Variants in ERVFRD-1 observed in about 807,000 individuals in gnomAD.
ERVFRD-1 encodes the protein syncytin-2.
ERVFRD-1 carries 33 observed loss-of-function variants against 43.8 expected under a neutral mutation model. That is an observed-to-expected ratio of 0.75 (90% CI 0.57 to 1.01). The LOEUF (loss-of-function observed/expected upper bound fraction) is 1.01, where lower values mean the gene tolerates loss of function less well. ERVFRD-1 is among the 50% of genes least tolerant of loss of function. The pLI is 0.00. For synonymous variants in ERVFRD-1, 239 were observed against 244.4 expected, an observed-to-expected ratio of 0.98 and a Z score of 0.21; for missense variants, 568 against 658.4, an observed-to-expected ratio of 0.86 and a Z score of 1.50.
intron 1 of ERVFRD-1, among the ~76,000 whole-genome samples, chr6:11,108,502 T>C (rs966573893): frequency 6.6e-6 from 1 of 152,100 alleles, no homozygotes; most frequent in Admixed American, 6.6e-5. Context: ...CATGGAGAGC[T>C]GGGGGTGGGT....
chr6:11,109,984 C>A (rs1054371887), intron 1 of ERVFRD-1, among the ~76,000 whole-genome samples: 2 of 152,176 alleles, frequency 1.3e-5, no homozygotes, highest in African/African-American at 4.8e-5. Flanking sequence ...GGCAGTGTCC[C>A]CCATTCATTC....
intron 1 of ERVFRD-1, among the ~76,000 whole-genome samples, chr6:11,109,784 G>T (rs1480133769): frequency 2.0e-5 from 3 of 152,162 alleles, no homozygotes; most frequent in Non-Finnish European, 4.4e-5. Context: ...ACTTTTCCCA[G>T]TTCTTGAGGA....
At chr6:11,107,976 A>G (rs575876433) in intron 1 of ERVFRD-1, among the ~76,000 whole-genome samples, 1 of 152,250 alleles carries the variant, frequency 6.6e-6, no homozygotes, top group Non-Finnish European at 1.5e-5. Flanking sequence ...AGACCTCTGG[A>G]TAAATGGGAA....
In ERVFRD-1 at chr6:11,103,673, C is replaced by T. The variant is rs936158798; in HGVS notation, c.*21G>A. 18 of 1,523,762 alleles carry T rather than the reference C, an allele frequency of 1.2e-5. No individual in the cohort carries two copies. The highest frequency in any genetic ancestry group is 1.5e-5 in the Non-Finnish European group (17 of 1,133,664). 94.4% of individuals were successfully genotyped at this position (1,523,762 alleles called of 1,614,324 possible). On this transcript the variant is annotated 3_prime_UTR_variant, in exon 2 of 2. Transcript: ENST00000472091. Reference sequence around the variant, plus strand: ...TTTCGCCTCTGTCGTGTTCCACTAGCGAGCAGTCTAGGGGTCCTCCTTAGA... The same window carrying T: ...TTTCGCCTCTGTCGTGTTCCACTAGTGAGCAGTCTAGGGGTCCTCCTTAGA...
rs1758073645 is a variant in ERVFRD-1 at position 11,105,593 on chromosome 6, G to A, written c.-283C>T. The A allele has an allele frequency of 1.1e-5, 4 of 378,700 alleles. No homozygotes were observed. The highest frequency in any genetic ancestry group is 2.0e-5 in the Non-Finnish European group (4 of 198,808). The allele number at this position is 378,700 out of a possible 1,614,324, so 23.5% of individuals were successfully genotyped here. On this transcript the variant is annotated 5_prime_UTR_variant, in exon 2 of 2. Transcript: ENST00000472091. ...GGCTTTTCCACAGCTTCACTTGGGT[G>A]TGATGGATCTAGCTGGCAGTCTCCA... is the stretch of plus-strand genomic sequence containing the variant.
chr6:11,104,667 C>T lies in ERVFRD-1; in HGVS notation c.644G>A (p.Cys215Tyr), dbSNP rs2113643699. Residue 215 changes from cysteine to tyrosine, a missense_variant, in exon 2 of 2, where the codon TGT (cysteine) becomes TAT (tyrosine). Cys to Tyr is a radical substitution (Grantham distance 194). Coordinates refer to ENST00000472091, the MANE Select transcript of ERVFRD-1 (RefSeq NM_207582.3). ...FWFRPADYNQ[C>Y]LQISNLSSTA... is the part of the protein sequence containing the mutation. Reference sequence around the variant, plus strand: ...AGAGCTGAGGTTGGAAATTTGCAGACATTGGTTATAATCAGCAGGCCGGAA... The same window carrying T: ...AGAGCTGAGGTTGGAAATTTGCAGATATTGGTTATAATCAGCAGGCCGGAA... 1 of 1,614,188 alleles carries T rather than the reference C, an allele frequency of 6.2e-7. No homozygotes were observed. The highest frequency in any genetic ancestry group is 2.2e-5 in the East Asian group (1 of 44,894).
Position 11,103,812 on chromosome 6 carries a change from C to T in ERVFRD-1, c.1499G>A (p.Gly500Asp). 1 of 1,551,514 alleles carries T rather than the reference C, an allele frequency of 6.4e-7. No homozygotes were observed. Among genetic ancestry groups the T allele is most frequent in the Non-Finnish European group, 8.7e-7 (1 of 1,146,950 alleles). ...GGTTATTAGATTTAGGAGACATGGA[C>T]CAAAAAGGAGCAAAAGTAGGAGACT... ...LVSLLLLLLF[G>D]PCLLNLITQF... Residue 500 changes from glycine (G) to aspartate (D), a missense_variant, in exon 2 of 2, where the codon GGT becomes GAT. Gly to Asp is a moderately conservative substitution (Grantham distance 94). Coordinates refer to ENST00000472091, the MANE Select transcript of ERVFRD-1 (RefSeq NM_207582.3).
In ERVFRD-1 at chr6:11,102,805, C is replaced by T. The variant is rs1128291; in HGVS notation, c.*889G>A. Reference sequence around the variant, plus strand: ...TGCAGCAGACTCCATCCTTGCCCCCCGGAGGAGAGGAGGGAATTTGGCCGG... The same window carrying T: ...TGCAGCAGACTCCATCCTTGCCCCCTGGAGGAGAGGAGGGAATTTGGCCGG... On this transcript the variant is annotated 3_prime_UTR_variant, in exon 2 of 2. Coordinates refer to ENST00000472091, the MANE Select transcript of ERVFRD-1 (RefSeq NM_207582.3). 0.21 allele frequency: 31,648 copies of T among 152,042 alleles called. 3,719 individuals carry two copies. The highest frequency in any genetic ancestry group is 0.45 in the East Asian group (2,316 of 5,154). The allele number at this position is 152,042 out of a possible 1,614,324, so 9.4% of individuals were successfully genotyped here. A position where few individuals can be genotyped will look rare whatever the true frequency, so the allele number is the denominator to read the frequency against.
In ERVFRD-1 at chr6:11,104,018, A is replaced by G. The variant is rs55893495; in HGVS notation, c.1293T>C (p.Cys431=). Residue 431 remains cysteine, a synonymous_variant, in exon 2 of 2, where the codon TGT becomes TGC. Transcript: ENST00000472091. The stretch of plus-strand genomic sequence containing the variant: ...AGCAACATTTTTCATCTAAGGCCAA[A>G]CAAATTCCTCCCTGTGCTGCCGTTA... ...DMLTAAQGGI[C]LALDEKCCFW... 47,137 of 1,551,710 alleles carry G rather than the reference A, an allele frequency of 0.03. 888 individuals are homozygous for G. Among genetic ancestry groups the G allele is most frequent in the South Asian group, 0.054 (4,551 of 84,056 alleles).
At position 11,104,497 on chromosome 6, in the gene ERVFRD-1, C is replaced by T. The variant is rs1758052323; in HGVS notation, c.814G>A (p.Val272Ile). 1 of 1,556,156 alleles carries T rather than the reference C, an allele frequency of 6.4e-7. No individual in the cohort carries two copies. Among genetic ancestry groups the T allele is most frequent in the African/African-American group, 1.4e-5 (1 of 73,246 alleles). Residue 272 changes from valine to isoleucine, a missense_variant, in exon 2 of 2, where the codon GTC becomes ATC. Physicochemically the swap from Val to Ile is conservative, Grantham distance 29 (BLOSUM62 3). Coordinates refer to ENST00000472091, the MANE Select transcript of ERVFRD-1 (RefSeq NM_207582.3). ...AGGGAGGTTCCAAAAAATTCTGAGA[C>T]TGCTGATATGCCCAGGTAGCTGGTG... is the stretch of plus-strand genomic sequence containing the variant. Reference protein sequence around the residue: ...IATSYLGISAVSEFFGTSLTP... With the variant: ...IATSYLGISAISEFFGTSLTP...
Position 11,104,704 on chromosome 6 carries a change from G to A in ERVFRD-1, c.607C>T (p.Arg203Ter), listed in dbSNP as rs137974365. 5 of 1,614,088 alleles carry A rather than the reference G, an allele frequency of 3.1e-6. No homozygotes were observed. Among genetic ancestry groups the A allele is most frequent in the Non-Finnish European group, 3.4e-6 (4 of 1,180,044 alleles). ...CQGRPSSCST[R>*]NFWFRPADYN... ...TCAGCAGGCCGGAACCAGAAGTTTC[G>A]AGTACTGCATGAGCTTGGGCGTCCC... Residue 203 changes from arginine to a stop codon, truncating the protein, a stop_gained, in exon 2 of 2, where the codon CGA becomes TGA. Transcript: ENST00000472091. LOFTEE classifies it high-confidence loss of function.
At position 11,103,754 on chromosome 6, in the gene ERVFRD-1, C is replaced by A. The variant is rs756385693; in HGVS notation, c.1557G>T (p.Lys519Asn). ...GTCCTGCACTGAGATTCGTCTGGAG[C>A]TTTATGGCCTGAAGGCGAGAGGAGA... ...QFVSSRLQAI[K>N]LQTNLSAGRH... The change falls in exon 2 of 2, where the codon AAG becomes AAT. Residue 519 changes from lysine (K) to asparagine (N), a missense_variant. Lys to Asn is a moderately conservative substitution (Grantham distance 94). Transcript: ENST00000472091. The A allele has an allele frequency of 3.2e-6, 5 of 1,551,494 alleles. No homozygotes were observed. Among genetic ancestry groups the A allele is most frequent in the Admixed American group, 3.9e-5 (2 of 50,980 alleles).
Position 11,104,039 on chromosome 6 carries a change from C to T in ERVFRD-1, c.1272G>A (p.Thr424=), listed in dbSNP as rs532171898. The T allele has an allele frequency of 4.7e-5, 73 of 1,551,688 alleles. No homozygotes were observed. Among genetic ancestry groups the T allele is most frequent in the Admixed American group, 3.1e-4 (16 of 51,004 alleles). ...CCAAACAAATTCCTCCCTGTGCTGC[C>T]GTTAACATGTCTAGTCCTCGACGAT... The part of the protein sequence containing the change: ...LQNRRGLDML[T]AAQGGICLAL... Residue 424 remains threonine (T), a synonymous_variant, in exon 2 of 2, where the codon ACG becomes ACA. Coordinates refer to ENST00000472091, the MANE Select transcript of ERVFRD-1 (RefSeq NM_207582.3).
Position 11,104,793 on chromosome 6 carries a change from G to A in ERVFRD-1, c.518C>T (p.Pro173Leu). 1 of 1,614,184 alleles carries A rather than the reference G, an allele frequency of 6.2e-7. No individual in the cohort carries two copies. The highest frequency in any genetic ancestry group is 1.1e-5 in the South Asian group (1 of 91,072). ...HNQFRHQPRF[P>L]KPPNITFPQG... The stretch of plus-strand genomic sequence containing the variant: ...AGGAAAAGTAATATTTGGAGGTTTG[G>A]GGAATCTTGGTTGATGGCGGAATTG... Residue 173 changes from proline to leucine, a missense_variant, in exon 2 of 2, where the codon CCC (proline) becomes CTC (leucine). Coordinates refer to ENST00000472091, the MANE Select transcript of ERVFRD-1 (RefSeq NM_207582.3).
intron 1 of ERVFRD-1, among the ~76,000 whole-genome samples, chr6:11,108,817 G>T (rs1268603697): frequency 6.6e-6 from 1 of 152,198 alleles, no homozygotes; most frequent in Non-Finnish European, 1.5e-5. Flanking sequence ...TTAGGGAAAT[G>T]ATCCTTTATG....
At chr6:11,108,209 C>T (rs889554581) in intron 1 of ERVFRD-1, among the ~76,000 whole-genome samples, 6 of 152,176 alleles carry the variant, frequency 3.9e-5, no homozygotes, top group East Asian at 1.9e-4. Flanking sequence ...CTCCAGGTTA[C>T]GGGCACTTCA....
At chr6:11,110,857 G>A (rs1758157021) in intron 1 of ERVFRD-1, among the ~76,000 whole-genome samples, 1 of 152,186 alleles carries the variant, frequency 6.6e-6, no homozygotes, top group Admixed American at 6.5e-5. Flanking sequence ...CCACAAAGGG[G>A]TGCTAACTCA....
In ERVFRD-1 at chr6:11,102,773, A is replaced by G. The variant is rs1181360244; in HGVS notation, c.*921T>C. On this transcript the variant is annotated 3_prime_UTR_variant, in exon 2 of 2. Coordinates refer to ENST00000472091, the MANE Select transcript of ERVFRD-1 (RefSeq NM_207582.3). ...GGAACTGTTACCAGCAGCAAATCCA[A>G]TGGGTCTGCAGCAGACTCCATCCTT... is the stretch of plus-strand genomic sequence containing the variant. 1 of 152,208 alleles carries G rather than the reference A, an allele frequency of 6.6e-6. No homozygotes were observed. Among genetic ancestry groups the G allele is most frequent in the Non-Finnish European group, 1.5e-5 (1 of 68,036 alleles). The allele number at this position is 152,208 out of a possible 1,614,324, so 9.4% of individuals were successfully genotyped here. A position where few individuals can be genotyped will look rare whatever the true frequency, so the allele number is the denominator to read the frequency against.
chr6:11,103,756 T>G lies in ERVFRD-1; in HGVS notation c.1555A>C (p.Lys519Gln). The change falls in exon 2 of 2, where the codon AAG (lysine) becomes CAG (glutamine). Residue 519 changes from lysine to glutamine, a missense_variant. Lys to Gln is a moderately conservative substitution (Grantham distance 53). Coordinates refer to ENST00000472091, the MANE Select transcript of ERVFRD-1 (RefSeq NM_207582.3). ...CCTGCACTGAGATTCGTCTGGAGCT[T>G]TATGGCCTGAAGGCGAGAGGAGACA... ...QFVSSRLQAI[K>Q]LQTNLSAGRH... 3.9e-6 allele frequency: 6 copies of G among 1,551,616 alleles called. No homozygotes were observed. The highest frequency in any genetic ancestry group is 5.2e-6 in the Non-Finnish European group (6 of 1,146,976).
Sources: allele counts gnomAD v4.1 joint callset (sites outside exome capture counted in the v4.1 genomes callset), GRCh38; gene constraint gnomAD v4.1.1; transcripts MANE v1.5; gene names NCBI Gene and HGNC (gene_info 2026-07-23, HGNC 2026-07-21).